The following ERBB4 variants were observed in gnomAD, a reference collection of about 807,000 sequenced individuals.
ERBB4 encodes the protein erb-b2 receptor tyrosine kinase 4.
ERBB4 carries 42 observed loss-of-function variants against 158.0 expected under a neutral mutation model. That is an observed-to-expected ratio of 0.27 (90% CI 0.21 to 0.34). ERBB4 has a LOEUF of 0.34. Ranked by LOEUF, ERBB4 falls within the 10% of genes least tolerant of loss-of-function variation. The pLI is 1.00. For synonymous variants in ERBB4, 583 were observed against 558.7 expected, an observed-to-expected ratio of 1.04 and a Z score of -0.61; for missense variants, 1,333 against 1,624.1, an observed-to-expected ratio of 0.82 and a Z score of 3.08.
chr2:211,679,296 A>G, intron 12 of ERBB4, 112 bp from the exon 13 acceptor site: 2 of 1,273,132 alleles, frequency 1.6e-6, no homozygotes, highest in South Asian at 1.3e-5. Flanking sequence ...ATATATGGCA[A>G]ATGACTTTGG....
intron 1 of ERBB4, among the ~76,000 whole-genome samples, chr2:212,270,012 T>G (rs1412098817): frequency 6.6e-6 from 1 of 151,830 alleles, no homozygotes; most frequent in African/African-American, 2.4e-5. Context: ...AAAACTATTC[T>G]GTATCAGAAA....
intron 1 of ERBB4, among the ~76,000 whole-genome samples, chr2:212,365,314 A>T (rs1295480369): frequency 6.6e-6 from 1 of 151,758 alleles, no homozygotes; most frequent in Non-Finnish European, 1.5e-5. Context: ...CGTTCTTTAC[A>T]GTTGTTTTGG....
chr2:211,518,451 C>T (rs553547486), intron 20 of ERBB4, among the ~76,000 whole-genome samples: 12 of 152,120 alleles, frequency 7.9e-5, no homozygotes, highest in South Asian at 4.1e-4. Flanking sequence ...GTCAGGAGAT[C>T]GAGGCCAGCT....
chr2:211,400,211 G>A (rs933508829), intron 25 of ERBB4, among the ~76,000 whole-genome samples: 3 of 152,078 alleles, frequency 2.0e-5, no homozygotes, highest in Non-Finnish European at 4.4e-5. Flanking sequence ...GGATAATAAT[G>A]CCTGTGTTGG....
chr2:211,612,996 A>G (rs1184574980), intron 19 of ERBB4, among the ~76,000 whole-genome samples: 1 of 152,032 alleles, frequency 6.6e-6, no homozygotes, highest in Non-Finnish European at 1.5e-5. Context: ...AATCGAAGGC[A>G]GAAGAGATTG....
chr2:212,087,172 TAC>T (rs147010295), intron 2 of ERBB4, among the ~76,000 whole-genome samples: 50 of 147,166 alleles, frequency 3.4e-4, no homozygotes, highest in East Asian at 1.6e-3. Context: ...AACACACACA[TAC>T]ACACACACAC....
At position 212,146,986 on chromosome 2, in the gene ERBB4, CTTTTTT is replaced by C. The variant is rs34029473; in HGVS notation, c.83-22089_83-22084del. On this transcript the variant is annotated intron_variant, in intron 1 of 27. Transcript: ENST00000342788. ...GAGAAGCTCTGTTGTCATTGTTAGA[CTTTTTT>C]TTTTTTTTTTTTTTTTGAGACAGGG... Among the ~76,000 whole-genome samples, 5 of 77,452 alleles carry C rather than the reference CTTTTTT, an allele frequency of 6.5e-5. No homozygotes were observed. In the East Asian group the frequency reaches 1.4e-3, roughly 22 times the overall value. The allele number at this position is 77,452 out of a possible 152,430, so 50.8% of individuals were successfully genotyped here.
chr2:211,411,514 T>C (rs897798053), intron 25 of ERBB4, among the ~76,000 whole-genome samples: 3 of 152,204 alleles, frequency 2.0e-5, no homozygotes, highest in Admixed American at 1.3e-4. Context: ...GAGCTCTTTC[T>C]TAAAATATGC....
intron 2 of ERBB4, among the ~76,000 whole-genome samples, chr2:212,022,851 C>T (rs1016065838): frequency 1.3e-5 from 2 of 151,952 alleles, no homozygotes; most frequent in Non-Finnish European, 2.9e-5. Flanking sequence ...GGCAAATCTT[C>T]CTGCTTCTAG....
chr2:212,081,832 G>A (rs1456719403), intron 2 of ERBB4, among the ~76,000 whole-genome samples: 8 of 152,044 alleles, frequency 5.3e-5, no homozygotes, highest in Non-Finnish European at 8.8e-5. Context: ...TGTCAGTTCT[G>A]GGTTTTTTAT....
intron 20 of ERBB4, among the ~76,000 whole-genome samples, chr2:211,534,626 T>C (rs748712607): frequency 2.0e-5 from 3 of 152,114 alleles, no homozygotes; most frequent in Non-Finnish European, 4.4e-5. Flanking sequence ...AGCAGTAATA[T>C]TAATTGCTAC....
chr2:212,124,961 G>A, intron 1 of ERBB4, 58 bp from the exon 2 acceptor site: 1 of 1,571,690 alleles, frequency 6.4e-7, no homozygotes, highest in Non-Finnish European at 8.8e-7. Context: ...TATGCGCAAT[G>A]ATAATATCTT....
At chr2:211,790,650 A>T (rs879510289) in intron 3 of ERBB4, among the ~76,000 whole-genome samples, 14 of 152,074 alleles carry the variant, frequency 9.2e-5, no homozygotes, top group Admixed American at 2.6e-4. Context: ...ATTTCAAATT[A>T]AGACACATGA....
intron 1 of ERBB4, among the ~76,000 whole-genome samples, chr2:212,382,746 T>C (rs891372125): frequency 6.6e-5 from 10 of 151,338 alleles, no homozygotes; most frequent in African/African-American, 2.4e-4. Flanking sequence ...AATATAGATG[T>C]TTAATAGCAG....
intron 20 of ERBB4, among the ~76,000 whole-genome samples, chr2:211,438,234 T>C (rs1384359238): frequency 6.6e-6 from 1 of 152,216 alleles, no homozygotes; most frequent in Non-Finnish European, 1.5e-5. Context: ...TATTCCATGA[T>C]AGATGAAACT....
At chr2:211,772,965 T>TTG (rs2075755198) in intron 4 of ERBB4, among the ~76,000 whole-genome samples, 3 of 133,240 alleles carry the variant, frequency 2.3e-5, no homozygotes, top group African/African-American at 5.7e-5. Context: ...ATTTTTTTTT[T>TTG]TAAAGATGGG....
intron 2 of ERBB4, among the ~76,000 whole-genome samples, chr2:212,022,483 G>C (rs2076676126): frequency 6.6e-6 from 1 of 152,050 alleles, no homozygotes; most frequent in Admixed American, 6.6e-5. Flanking sequence ...GCTGAACAAT[G>C]AAAACACATG....
rs202190700 is a variant in ERBB4 at position 212,535,238 on chromosome 2, T to TTA, written c.82+3209_82+3210dup. Among the ~76,000 whole-genome samples, 683 of 149,980 alleles carry TTA rather than the reference T, an allele frequency of 4.6e-3. 3 individuals carry two copies. The highest frequency in any genetic ancestry group is 0.031 in the Middle Eastern group (9 of 286). On this transcript the variant is annotated intron_variant, in intron 1 of 27. Transcript: ENST00000342788. ...ACACCTTCTTCTAAAAAGCCCCCTT[T>TTA]TATATATATATATATGAGAATTTCA...
chr2:211,792,880 T>C (rs2076306706), intron 3 of ERBB4, among the ~76,000 whole-genome samples: 1 of 151,936 alleles, frequency 6.6e-6, no homozygotes. Context: ...CTTCATTTCT[T>C]GTCAAATGCT....
Sources: allele counts gnomAD v4.1 joint callset (sites outside exome capture counted in the v4.1 genomes callset), GRCh38; gene constraint gnomAD v4.1.1; transcripts MANE v1.5; gene names NCBI Gene and HGNC (gene_info 2026-07-23, HGNC 2026-07-21).